Variants in DUOX1 observed in about 807,000 individuals in gnomAD.
The protein encoded by DUOX1 is NADPH thyroid oxidase 1.
Under a neutral mutation model 181.8 loss-of-function variants are expected in DUOX1, and 134 were observed. The observed-to-expected ratio is 0.74, with a 90% CI of 0.64 to 0.85. DUOX1 has a LOEUF of 0.85. DUOX1 is among the 40% of genes least tolerant of loss of function. DUOX1 has a pLI of 0.00. For missense variants in DUOX1, 1,814 were observed against 2,064.4 expected, an observed-to-expected ratio of 0.88 and a Z score of 2.35; for synonymous variants, 798 against 832.5, an observed-to-expected ratio of 0.96 and a Z score of 0.71.
chr15:45,142,801 G>GGAAGGAAGAAAGGA (rs1567012359), intron 15 of DUOX1, among the ~76,000 whole-genome samples: 2 of 144,684 alleles, frequency 1.4e-5, no homozygotes, highest in African/African-American at 5.3e-5. Flanking sequence ...GGGAGGAAGG[G>GGAAGGAAGAAAGGA]AGGGAGGAAG....
chr15:45,145,162 G>A (rs1236369790), intron 18 of DUOX1, 82 bp downstream of exon 18: 1 of 1,302,436 alleles, frequency 7.7e-7, no homozygotes. Flanking sequence ...TCGAGGGGAA[G>A]TCAAAGCCCA....
chr15:45,144,349 A>C, intron 17 of DUOX1, 114 bp downstream of exon 17: 1 of 1,169,438 alleles, frequency 8.6e-7, no homozygotes, highest in Non-Finnish European at 1.2e-6. Context: ...ACTGTGCAGG[A>C]GTCTGGCTTC....
At chr15:45,162,409 T>C (rs770415962) in intron 31 of DUOX1, 32 bp downstream of exon 31, 1 of 1,601,754 alleles carries the variant, frequency 6.2e-7, no homozygotes, top group Non-Finnish European at 8.5e-7. Context: ...CACCAACCCA[T>C]GGCCCCTTCT....
intron 30 of DUOX1, 23 bp from the exon 31 acceptor site, chr15:45,162,196 G>A (rs1897122633): frequency 1.3e-6 from 2 of 1,589,366 alleles, no homozygotes; most frequent in East Asian, 2.2e-5. Context: ...AAGCTTAACT[G>A]AAACCCACGC....
chr15:45,136,448 G>A, intron 8 of DUOX1, 38 bp downstream of exon 8: 1 of 1,614,138 alleles, frequency 6.2e-7, no homozygotes, highest in Non-Finnish European at 8.5e-7. Context: ...GGGCTTGCGT[G>A]TGTCTTGCGG....
intron 25 of DUOX1, chr15:45,152,946 C>T (rs544114860): frequency 1.6e-5 from 5 of 312,698 alleles, no homozygotes; most frequent in Admixed American, 9.5e-5. Context: ...TCCAGGCCGG[C>T]GCGGCGGCTT....
At chr15:45,134,423 T>C in intron 4 of DUOX1, 114 bp downstream of exon 4, 1 of 1,180,124 alleles carries the variant, frequency 8.5e-7, no homozygotes, top group Non-Finnish European at 1.2e-6. Context: ...GGGATGAGGG[T>C]GAGAGGTGGA....
At chr15:45,133,455 G>A (rs908884926) in intron 2 of DUOX1, among the ~76,000 whole-genome samples, 3 of 152,146 alleles carry the variant, frequency 2.0e-5, no homozygotes, top group East Asian at 1.9e-4. Context: ...GCTGGCTCTT[G>A]CTCTGTGTGG....
At chr15:45,143,014 C>A (rs923750820) in intron 15 of DUOX1, among the ~76,000 whole-genome samples, 176 bp from the exon 16 acceptor site, 1 of 151,994 alleles carries the variant, frequency 6.6e-6, no homozygotes, top group Non-Finnish European at 1.5e-5. Context: ...ACCCAAAGCT[C>A]CCCATGGGAT....
chr15:45,141,161 A>T, intron 13 of DUOX1, 91 bp downstream of exon 13: 1 of 1,577,948 alleles, frequency 6.3e-7, no homozygotes. Flanking sequence ...TGAGCCCTTG[A>T]TTCCAAGCCA....
At chr15:45,134,756 T>G (rs2141252572) in intron 4 of DUOX1, among the ~76,000 whole-genome samples, 1 of 152,282 alleles carries the variant, frequency 6.6e-6, no homozygotes, top group South Asian at 2.1e-4. Context: ...TAGGATGGCT[T>G]GACCCCAGTG....
chr15:45,152,894 G>C (rs1196574631), intron 25 of DUOX1: 3 of 374,734 alleles, frequency 8.0e-6, no homozygotes, highest in South Asian at 2.5e-5. Flanking sequence ...GTGTGTCTGT[G>C]GGGTGTTGGG....
intron 28 of DUOX1, among the ~76,000 whole-genome samples, chr15:45,156,563 G>A (rs1859269130): frequency 6.6e-6 from 1 of 152,150 alleles, no homozygotes; most frequent in African/African-American, 2.4e-5. Context: ...CTCCTGAGTA[G>A]CTGGGACTAC....
Position 45,155,941 on chromosome 15 carries a change from T to G in DUOX1, c.3702+12T>G. On this transcript the variant is annotated intron_variant, in intron 28 of 33. Coordinates refer to ENST00000389037, the MANE Select transcript of DUOX1 (RefSeq NM_175940.3). ...TGCTCTATGTCCTGGTGAGGGCTTTTGGCTGTGAGCCAGGCCAGGAGGGTA... is the reference window on the plus strand; with the variant it reads ...TGCTCTATGTCCTGGTGAGGGCTTTGGGCTGTGAGCCAGGCCAGGAGGGTA... 6.2e-7 allele frequency: 1 copy of G among 1,614,178 alleles called. No homozygotes were observed. The highest frequency in any genetic ancestry group is 8.5e-7 in the Non-Finnish European group (1 of 1,180,018).
At chr15:45,139,362 G>T in intron 11 of DUOX1, 65 bp from the exon 12 acceptor site, 2 of 1,594,738 alleles carry the variant, frequency 1.3e-6, no homozygotes, top group Middle Eastern at 3.4e-4. Flanking sequence ...GGAGCTTGGG[G>T]CCTGGACTGG....
At chr15:45,143,367 C>A in intron 16 of DUOX1, 64 bp downstream of exon 16, 2 of 1,332,834 alleles carry the variant, frequency 1.5e-6, no homozygotes, top group Non-Finnish European at 2.1e-6. Context: ...AGCTACCCAC[C>A]TCCACCCCAG....
intron 11 of DUOX1, 100 bp downstream of exon 11, chr15:45,139,268 G>A (rs771812453): frequency 6.2e-7 from 1 of 1,606,350 alleles, no homozygotes; most frequent in African/African-American, 1.3e-5. Flanking sequence ...CCTGGGGCTG[G>A]GAGCCTGCAC....
chr15:45,134,262 C>T lies in DUOX1; in HGVS notation c.260C>T (p.Ala87Val). Residue 87 changes from alanine to valine, a missense_variant, in exon 4 of 34, where the codon GCA becomes GTA. By Grantham distance (64) the Ala-to-Val change is moderately conservative. Around this residue, in one of 5 missense-constraint regions of DUOX1, gnomAD observed 320 missense variants for 313.1 expected, o/e 1.02. Transcript: ENST00000389037. ...AGCAACACCATCTCAAGGGGCCCTG[C>T]AGGGCTGGCCTCCCTGAGAAACCGC... ...DLSNTISRGPAGLASLRNRTV... is the reference protein window; with the variant it reads ...DLSNTISRGPVGLASLRNRTV... 2 of 1,600,052 alleles carry T rather than the reference C, an allele frequency of 1.2e-6. No homozygotes were observed.
At chr15:45,134,713 G>C (rs977931253) in intron 4 of DUOX1, among the ~76,000 whole-genome samples, 2 of 152,204 alleles carry the variant, frequency 1.3e-5, no homozygotes, top group Non-Finnish European at 2.9e-5. Context: ...GATTCTGGCA[G>C]AGTGGACTGA....
Sources: gnomAD v4.1 joint callset for allele counts (sites outside exome capture counted in the v4.1 genomes callset) on GRCh38, gnomAD v4.1.1 for gene constraint, gnomAD v4.1.1 regional missense constraint, MANE v1.5 for transcripts, NCBI Gene and HGNC (gene_info 2026-07-23, HGNC 2026-07-21) for gene names.